Variants in SDK1 observed in about 807,000 individuals in gnomAD.
SDK1 encodes protein sidekick-1.
SDK1 carries 157 observed loss-of-function variants against 245.5 expected under a neutral mutation model. The ratio of observed to expected loss-of-function variants is 0.64; its 90% CI spans 0.56 to 0.73. SDK1 has a LOEUF of 0.73. SDK1 is among the 30% of genes least tolerant of loss of function. The pLI is 0.00. For missense variants in SDK1, 3,583 were observed against 3,002.3 expected (o/e 1.19, Z -4.52); for synonymous variants, 1,647 against 1,278.5 (o/e 1.29, Z -6.15).
At chr7:3,924,520 G>A (rs116945252) in intron 5 of SDK1, among the ~76,000 whole-genome samples, 2,510 of 152,242 alleles carry the variant, frequency 0.016, 22 homozygotes, top group Non-Finnish European at 0.024. Context: ...ACTGTCAGAC[G>A]ACAAACAGGG....
At chr7:4,213,666 C>T (rs563192969) in intron 38 of SDK1, among the ~76,000 whole-genome samples, 1 of 152,142 alleles carries the variant, frequency 6.6e-6, no homozygotes, top group East Asian at 1.9e-4. Context: ...ACAGGGGCCT[C>T]GATGTGTTGG....
intron 1 of SDK1, among the ~76,000 whole-genome samples, chr7:3,566,028 T>A (rs972983667): frequency 6.6e-6 from 1 of 152,050 alleles, no homozygotes; most frequent in African/African-American, 2.4e-5. Flanking sequence ...ATATAATATC[T>A]ATGAATTAAT....
chr7:3,893,158 C>T (rs1042067035), intron 5 of SDK1, among the ~76,000 whole-genome samples: 1 of 152,138 alleles, frequency 6.6e-6, no homozygotes, highest in Non-Finnish European at 1.5e-5. Context: ...TTATTTTATA[C>T]AGTGCCTTTT....
At chr7:3,942,056 G>A (rs1020276463) in intron 5 of SDK1, among the ~76,000 whole-genome samples, 2 of 151,960 alleles carry the variant, frequency 1.3e-5, no homozygotes, top group African/African-American at 2.4e-5. Flanking sequence ...ACAGGCGCCC[G>A]CCACCATGCC....
chr7:4,051,952 T>C (rs1366672345), intron 19 of SDK1, 122 bp downstream of exon 19: 7 of 823,402 alleles, frequency 8.5e-6, no homozygotes, highest in Non-Finnish European at 1.3e-5. Context: ...TTTGGAGTGC[T>C]TGCAGTCAGC....
intron 1 of SDK1, among the ~76,000 whole-genome samples, chr7:3,456,357 G>T (rs1218219083): frequency 6.6e-6 from 1 of 152,040 alleles, no homozygotes; most frequent in South Asian, 2.1e-4. Flanking sequence ...ATAAATGTTG[G>T]ATCTTTTGCT....
intron 30 of SDK1, among the ~76,000 whole-genome samples, chr7:4,150,622 C>A (rs899891242): frequency 2.0e-5 from 3 of 152,240 alleles, no homozygotes; most frequent in African/African-American, 4.8e-5. Flanking sequence ...CGTCTCAGCC[C>A]TTCCTGACTG....
In SDK1 at chr7:3,318,367, T is replaced by C. The variant is rs995376485; in HGVS notation, c.298+16483T>C. ...GGGCAAGTTGAATCACTTGTCTGTG[T>C]TTCAGGTGCTCATTTGTAAAGCAGA... On this transcript the variant is annotated intron_variant, in intron 1 of 44. Transcript: ENST00000404826. 8.5e-5 allele frequency among the ~76,000 whole-genome samples: 13 copies of C among 152,352 alleles called. No individual in the cohort carries two copies. In the East Asian group the frequency reaches 2.5e-3, roughly 29 times the overall value.
intron 4 of SDK1, among the ~76,000 whole-genome samples, chr7:3,760,799 C>G (rs116285349): frequency 4.6e-5 from 7 of 152,218 alleles, no homozygotes; most frequent in African/African-American, 9.6e-5. Context: ...TAGGATCATA[C>G]GGCACGTAGC....
chr7:4,073,278 T>C (rs1780379166), intron 20 of SDK1, among the ~76,000 whole-genome samples: 1 of 152,160 alleles, frequency 6.6e-6, no homozygotes, highest in Admixed American at 6.5e-5. Context: ...GGGGACGTCT[T>C]TCCCACCTCA....
intron 1 of SDK1, among the ~76,000 whole-genome samples, chr7:3,584,906 A>G (rs2128633852): frequency 6.6e-6 from 1 of 151,838 alleles, no homozygotes; most frequent in Admixed American, 6.6e-5. Flanking sequence ...TTGTATTTTT[A>G]GCGGAGACGG....
intron 1 of SDK1, among the ~76,000 whole-genome samples, chr7:3,358,165 G>A (rs1780856989): frequency 6.6e-6 from 1 of 152,040 alleles, no homozygotes; most frequent in Non-Finnish European, 1.5e-5. Context: ...CAGACTACAG[G>A]CCCATGCCAC....
rs186000872 is a variant in SDK1, at chr7:3,638,974, G to A, written c.459-30G>A. The A allele has an allele frequency of 2.4e-3, 3,311 of 1,390,420 alleles. 78 individuals are homozygous for A. The highest frequency in any genetic ancestry group is 2.9e-4 in the Non-Finnish European group (290 of 990,292). 86.1% of individuals were successfully genotyped at this position (1,390,420 alleles called of 1,614,324 possible). On this transcript the variant is annotated intron_variant, in intron 2 of 44. Coordinates refer to ENST00000404826, the MANE Select transcript of SDK1 (RefSeq NM_152744.4). ...TATAACCATGAAACACTGGATATAA[G>A]CATTAACACTTCTTTTTGCTATTCA...
rs545357248 is a variant in SDK1 at position 4,000,162 on chromosome 7, G to A, written c.2132-10804G>A. Among the ~76,000 whole-genome samples the A allele has an allele frequency of 3.6e-3, 542 of 152,328 alleles. 3 individuals are homozygous for A. The highest frequency in any genetic ancestry group is 5.7e-3 in the Non-Finnish European group (387 of 68,022). ...CAAGATGGCCTAGAGCCCCAGGCCT[G>A]GACGTGGAAGTAGGAGGCCTGCTGA... is the stretch of plus-strand genomic sequence containing the variant. On this transcript the variant is annotated intron_variant, in intron 14 of 44. Transcript: ENST00000404826.
intron 17 of SDK1, among the ~76,000 whole-genome samples, chr7:4,027,898 G>A (rs1186050113): frequency 2.6e-5 from 4 of 151,904 alleles, no homozygotes; most frequent in African/African-American, 9.7e-5. Flanking sequence ...ACGAGAGTAG[G>A]GGCTTTCTAT....
chr7:4,088,555 G>T (rs529757726), intron 22 of SDK1, among the ~76,000 whole-genome samples: 301 of 146,518 alleles, frequency 2.1e-3, no homozygotes, highest in African/African-American at 7.0e-3. Flanking sequence ...CTAGGAGTTG[G>T]TTTTTTTTTT....
At chr7:3,339,074 C>A (rs73672098) in intron 1 of SDK1, among the ~76,000 whole-genome samples, 1 of 151,942 alleles carries the variant, frequency 6.6e-6, no homozygotes, top group Non-Finnish European at 1.5e-5. Context: ...TCTCTTAAAC[C>A]AATGACACAG....
chr7:3,479,421 C>T (rs1277451866), intron 1 of SDK1, among the ~76,000 whole-genome samples: 1 of 66,570 alleles, frequency 1.5e-5, no homozygotes, highest in Non-Finnish European at 2.7e-5. Flanking sequence ...GACTGTGTCT[C>T]AAAAAAAAAA....
chr7:3,353,886 C>G (rs1172211208), intron 1 of SDK1, among the ~76,000 whole-genome samples: 2 of 96,446 alleles, frequency 2.1e-5, no homozygotes, highest in Non-Finnish European at 4.1e-5. Flanking sequence ...TCTTCACGTC[C>G]TCCTCATCCA....
Sources: allele counts gnomAD v4.1 joint callset (sites outside exome capture counted in the v4.1 genomes callset), GRCh38; gene constraint gnomAD v4.1.1; transcripts MANE v1.5; gene names NCBI Gene and HGNC (gene_info 2026-07-23, HGNC 2026-07-21).